The following INPP5F variants were observed in gnomAD, a reference collection of about 807,000 sequenced individuals.
INPP5F encodes phosphatidylinositide 4-phosphatase SAC2.
Under a neutral mutation model 137.2 loss-of-function variants are expected in INPP5F, and 97 were observed. The ratio of observed to expected loss-of-function variants is 0.71; its 90% confidence interval spans 0.60 to 0.84. The LOEUF (loss-of-function observed/expected upper bound fraction) is 0.84, where lower values mean the gene tolerates loss of function less well. Among genes scored for constraint, INPP5F ranks in the 40% least tolerant of loss-of-function variants. The probability of loss-of-function intolerance (pLI) is 0.00; values close to 1 mark genes in which losing one functional copy is unlikely to be tolerated. For missense variants in INPP5F, 1,271 were observed against 1,371.9 expected, an observed-to-expected ratio of 0.93 and a Z score of 1.16; for synonymous variants, 504 against 476.9, an observed-to-expected ratio of 1.06 and a Z score of -0.74.
In INPP5F at chr10:119,827,928, A is replaced by G; in HGVS notation, c.*148A>G. ...TTAAACGGAGTCGGAACCTGAGTAGATTTCCAAATTTTACAGCCAGGACTA... is the reference window on the plus strand; with the variant it reads ...TTAAACGGAGTCGGAACCTGAGTAGGTTTCCAAATTTTACAGCCAGGACTA... On this transcript the variant is annotated 3_prime_UTR_variant, in exon 20 of 20. Coordinates refer to ENST00000650623, the MANE Select transcript of INPP5F (RefSeq NM_014937.4). 3.1e-6 allele frequency: 2 copies of G among 640,722 alleles called. No individual in the cohort carries two copies. Among genetic ancestry groups the G allele is most frequent in the Non-Finnish European group, 5.3e-6 (2 of 379,318 alleles). 39.7% of individuals were successfully genotyped at this position (640,722 alleles called of 1,614,324 possible). A position where few individuals can be genotyped will look rare whatever the true frequency, so the allele number is the denominator to read the frequency against.
At chr10:119,819,495 C>A in intron 15 of INPP5F, 1 of 1,602,802 alleles carries the variant, frequency 6.2e-7, no homozygotes, top group South Asian at 1.1e-5. Flanking sequence ...TGTGTCATGA[C>A]GTAATTTTTA....
intron 7 of INPP5F, 26 bp from the exon 8 acceptor site, chr10:119,797,435 T>G: frequency 6.4e-7 from 1 of 1,554,408 alleles, no homozygotes; most frequent in Non-Finnish European, 8.8e-7. Flanking sequence ...AAAATGTTGC[T>G]GTTTTCTGTT....
chr10:119,791,904 G>C lies in INPP5F; in HGVS notation c.480G>C (p.Arg160Ser). 6.2e-7 allele frequency: 1 copy of C among 1,612,004 alleles called. No homozygotes were observed. The highest frequency in any genetic ancestry group is 8.5e-7 in the Non-Finnish European group (1 of 1,178,486). ...GTAAAGAGAAGGAGAAGTTGGAGAG[G>C]AGATTACTTGAAGAGTTGCTGAAGA... is the stretch of plus-strand genomic sequence containing the variant. ...KESKEKEKLE[R>S]RLLEELLKMF... Residue 160 changes from arginine to serine, a missense_variant, in exon 5 of 20, where the codon AGG (arginine) becomes AGC (serine). Transcript: ENST00000650623.
chr10:119,751,198 A>G (rs778717223), intron 2 of INPP5F, 42 bp downstream of exon 2: 25 of 1,223,976 alleles, frequency 2.0e-5, no homozygotes, highest in African/African-American at 3.0e-5. Flanking sequence ...AATTTATTGT[A>G]GCATTTTTTG....
intron 6 of INPP5F, among the ~76,000 whole-genome samples, chr10:119,794,615 A>ACCTC (rs1435205876): frequency 7.3e-6 from 1 of 136,426 alleles, no homozygotes; most frequent in Admixed American, 7.4e-5. Context: ...GGCGCCCCTC[A>ACCTC]CCTCCCGTAC....
Position 119,781,539 on chromosome 10 carries a change from T to G in INPP5F, c.179-96T>G, listed in dbSNP as rs532929106. 20 of 1,095,746 alleles carry G rather than the reference T, an allele frequency of 1.8e-5. No individual in the cohort carries two copies. In the South Asian group the frequency reaches 5.0e-4, roughly 28 times the overall value. 67.9% of individuals were successfully genotyped at this position (1,095,746 alleles called of 1,614,324 possible). A position where few individuals can be genotyped will look rare whatever the true frequency, so the allele number is the denominator to read the frequency against. Reference sequence around the variant, plus strand: ...AAAAGTTTATTTTGGATGCACACTTTTTTTTTTGTTATCATTGTTAGGTTA... The same window carrying G: ...AAAAGTTTATTTTGGATGCACACTTGTTTTTTTGTTATCATTGTTAGGTTA... On this transcript the variant is annotated intron_variant, in intron 2 of 19. Transcript: ENST00000650623.
rs2134315466 is a variant in INPP5F at position 119,827,844 on chromosome 10, G to T, written c.*64G>T. On this transcript the variant is annotated 3_prime_UTR_variant, in exon 20 of 20. Coordinates refer to ENST00000650623, the MANE Select transcript of INPP5F (RefSeq NM_014937.4). ...AAATATGAAATTTTCACCTCTTGGG[G>T]TATTTTAATTGTACTGTCTGAACCC... is the stretch of plus-strand genomic sequence containing the variant. 5 of 1,194,484 alleles carry T rather than the reference G, an allele frequency of 4.2e-6. No homozygotes were observed. The highest frequency in any genetic ancestry group is 5.6e-4 in the Middle Eastern group (2 of 3,580). The allele number at this position is 1,194,484 out of a possible 1,614,324, so 74.0% of individuals were successfully genotyped here.
Position 119,827,760 on chromosome 10 carries a change from A to G in INPP5F, c.3379A>G (p.Thr1127Ala). Residue 1127 changes from threonine (T) to alanine (A), a missense_variant, in exon 20 of 20, where the codon ACA (threonine) becomes GCA (alanine). Thr to Ala is a moderately conservative substitution (Grantham distance 58, BLOSUM62 0). Around this residue, in one of 6 missense-constraint regions of INPP5F, gnomAD observed 490 missense variants for 443.7 expected, o/e 1.10. Transcript: ENST00000650623. The part of the protein sequence containing the change: ...ELKKMFIQCQ[T>A]RIIQI ...TAAAAAGATGTTTATACAATGCCAG[A>G]CACGGATAATTCAGATTTAGCTTTT... 6.2e-7 allele frequency: 1 copy of G among 1,606,836 alleles called. No homozygotes were observed. The highest frequency in any genetic ancestry group is 8.5e-7 in the Non-Finnish European group (1 of 1,176,690).
intron 1 of INPP5F, among the ~76,000 whole-genome samples, chr10:119,730,401 C>T (rs546001414): frequency 2.6e-5 from 4 of 152,358 alleles, no homozygotes; most frequent in Non-Finnish European, 5.9e-5. Flanking sequence ...TGAGCCACCG[C>T]GCCCGGCCTG....
At position 119,827,419 on chromosome 10, in the gene INPP5F, A is replaced by G. The variant is rs532603485; in HGVS notation, c.3038A>G (p.Gln1013Arg). The stretch of plus-strand genomic sequence containing the variant: ...GAACAGACACCTTCTCGGCCATCGC[A>G]ATTAGATGTCTCTCTTTCTGCAACA... The part of the protein sequence containing the change: ...STEQTPSRPS[Q>R]LDVSLSATGP... Residue 1013 changes from glutamine to arginine, a missense_variant, in exon 20 of 20, where the codon CAA becomes CGA. Gln to Arg is a conservative substitution (Grantham distance 43). Around this residue, in one of 6 missense-constraint regions of INPP5F, gnomAD observed 490 missense variants for 443.7 expected, o/e 1.10. Coordinates refer to ENST00000650623, the MANE Select transcript of INPP5F (RefSeq NM_014937.4). 15 of 1,614,224 alleles carry G rather than the reference A, an allele frequency of 9.3e-6. No individual in the cohort carries two copies. The South Asian group carries it at 1.6e-4, about 18-fold the overall frequency.
intron 15 of INPP5F, chr10:119,816,482 T>A (rs1851285110): frequency 6.6e-6 from 1 of 152,286 alleles, no homozygotes. Context: ...TTGCTAATAA[T>A]ACTGCTGAGA....
At chr10:119,762,078 G>A (rs958877430) in intron 2 of INPP5F, among the ~76,000 whole-genome samples, 3 of 152,112 alleles carry the variant, frequency 2.0e-5, no homozygotes, top group Admixed American at 6.6e-5. Flanking sequence ...CTCGTTCCAC[G>A]AATACTGTAT....
intron 15 of INPP5F, among the ~76,000 whole-genome samples, chr10:119,817,911 G>A (rs908660615): frequency 6.6e-6 from 1 of 152,236 alleles, no homozygotes; most frequent in Non-Finnish European, 1.5e-5. Context: ...CCAGAGACCA[G>A]TACCTCACTC....
At chr10:119,759,246 C>T (rs550301024) in intron 2 of INPP5F, among the ~76,000 whole-genome samples, 10 of 152,228 alleles carry the variant, frequency 6.6e-5, no homozygotes, top group African/African-American at 2.2e-4. Flanking sequence ...GTCTTGAACT[C>T]CTGGGCTCAA....
At chr10:119,794,965 T>C (rs1178470580) in intron 6 of INPP5F, among the ~76,000 whole-genome samples, 1 of 83,072 alleles carries the variant, frequency 1.2e-5, no homozygotes, top group Non-Finnish European at 2.4e-5. Flanking sequence ...CACTTCCCAG[T>C]AGGGGTGGCC....
rs988449276 is a variant in INPP5F, at chr10:119,795,750, C to G, written c.670-965C>G. ...GCTGCTGGGAGGTGGAGGTTGTAGC[C>G]AGCCGAGATCATGCCACTGCACTCC... is the stretch of plus-strand genomic sequence containing the variant. On this transcript the variant is annotated intron_variant, in intron 6 of 19. Transcript: ENST00000650623. 5.8e-3 allele frequency among the ~76,000 whole-genome samples: 888 copies of G among 152,174 alleles called. 11 individuals are homozygous for G. Among genetic ancestry groups the G allele is most frequent in the African/African-American group, 0.02 (835 of 41,522 alleles).
intron 1 of INPP5F, among the ~76,000 whole-genome samples, chr10:119,745,059 A>G (rs758929737): frequency 6.6e-6 from 1 of 152,126 alleles, no homozygotes; most frequent in East Asian, 1.9e-4. Flanking sequence ...ATGGTTCACA[A>G]TGCCAAAGAT....
rs1002799188 is a variant in INPP5F at position 119,787,872 on chromosome 10, T to C, written c.316-3645T>C. Reference sequence around the variant, plus strand: ...ATGCTTAGCACTTGAGGCCTGGTGCTCAGGTGGAACTCCCTAGATCATGAG... The same window carrying C: ...ATGCTTAGCACTTGAGGCCTGGTGCCCAGGTGGAACTCCCTAGATCATGAG... On this transcript the variant is annotated intron_variant, in intron 3 of 19. Coordinates refer to ENST00000650623, the MANE Select transcript of INPP5F (RefSeq NM_014937.4). The surrounding 1 kb of genome is among the most constrained non-coding windows in gnomAD (Gnocchi z 4.1). 1.3e-5 allele frequency among the ~76,000 whole-genome samples: 2 copies of C among 152,036 alleles called. No homozygotes were observed. The highest frequency in any genetic ancestry group is 2.9e-5 in the Non-Finnish European group (2 of 67,994).
At chr10:119,812,378 C>CT (rs201760506) in intron 15 of INPP5F, among the ~76,000 whole-genome samples, 114,627 of 145,602 alleles carry the variant, frequency 0.79, 45,116 homozygotes, top group Admixed American at 0.83. Context: ...AACTAATATT[C>CT]TTTTTTTTTT....
Sources: allele counts gnomAD v4.1 joint callset (sites outside exome capture counted in the v4.1 genomes callset), GRCh38; gene constraint gnomAD v4.1.1; regional missense constraint gnomAD v4.1.1; non-coding constraint Gnocchi (gnomAD v3.1); transcripts MANE v1.5; gene names NCBI Gene and HGNC (gene_info 2026-07-23, HGNC 2026-07-21).